Variants in ZNF181 observed in about 807,000 individuals in gnomAD.
ZNF181 encodes zinc finger protein 181 (HHZ181).
ZNF181 carries 8 observed loss-of-function variants against 11.9 expected under a neutral mutation model. The observed-to-expected ratio is 0.67, with a 90% CI of 0.39 to 1.21. The LOEUF (loss-of-function observed/expected upper bound fraction) is 1.21, where lower values mean the gene tolerates loss of function less well. Ranked by LOEUF, ZNF181 falls within the 50% of genes most tolerant of loss-of-function variation. The probability of loss-of-function intolerance (pLI) is 0.01; values close to 1 mark genes in which losing one functional copy is unlikely to be tolerated. For synonymous variants in ZNF181, 202 were observed against 221.1 expected (o/e 0.91, Z 0.77); for missense variants, 542 against 670.9 (o/e 0.81, Z 2.12).
At chr19:34,736,240 GT>G in intron 1 of ZNF181, 1 of 690,158 alleles carries the variant, frequency 1.4e-6, no homozygotes, top group Non-Finnish European at 2.6e-6. Flanking sequence ...GGTGAAGTCT[GT>G]TTTCTTGGAG....
Position 34,741,167 on chromosome 19 carries a change from G to C in ZNF181, c.786G>C (p.Glu262Asp). Residue 262 changes from glutamate (E) to aspartate (D), a missense_variant, in exon 4 of 4, where the codon GAG (glutamate) becomes GAC (aspartate). Transcript: ENST00000492450. ...LNRHWRIHTG[E>D]KPYECRECGK... ...GCCACTGGAGAATTCATACAGGAGA[G>C]AAGCCCTATGAATGTCGTGAATGTG... 6.2e-7 allele frequency: 1 copy of C among 1,614,090 alleles called. No individual in the cohort carries two copies. Among genetic ancestry groups the C allele is most frequent in the Non-Finnish European group, 8.5e-7 (1 of 1,179,964 alleles).
intron 3 of ZNF181, 44 bp downstream of exon 3, chr19:34,739,665 G>A: frequency 5.0e-6 from 8 of 1,604,228 alleles, no homozygotes; most frequent in Non-Finnish European, 6.8e-6. Context: ...TGTTAAAAAG[G>A]GTCCCAAACT....
intron 3 of ZNF181, among the ~76,000 whole-genome samples, chr19:34,740,186 A>T (rs2068948336): frequency 6.6e-6 from 1 of 152,226 alleles, no homozygotes; most frequent in Non-Finnish European, 1.5e-5. Flanking sequence ...GTTTAATAAC[A>T]TCAATTCTGT....
rs746799329 is a variant in ZNF181 at position 34,741,462 on chromosome 19, A to C, written c.1081A>C (p.Arg361=). 3.7e-6 allele frequency: 6 copies of C among 1,613,722 alleles called. No homozygotes were observed. Among genetic ancestry groups the C allele is most frequent in the Non-Finnish European group, 5.1e-6 (6 of 1,179,864 alleles). The change falls in exon 4 of 4, where the codon AGG becomes CGG. Residue 361 remains arginine (R), a synonymous_variant. Coordinates refer to ENST00000492450, the MANE Select transcript of ZNF181 (RefSeq NM_001029997.4). The part of the protein sequence containing the change: ...CRICGKAFIH[R]SSLIHHQKIH... ...TATATGTGGAAAGGCCTTCATTCAT[A>C]GGTCATCTCTCATTCACCATCAGAA...
chr19:34,734,893 A>G lies in ZNF181; in HGVS notation c.-145A>G. On this transcript the variant is annotated 5_prime_UTR_variant, in exon 1 of 4. Transcript: ENST00000492450. ...AGAGTGATTACCAGTGTGCCTTTCCATTATGGTGTGTCACAGGTGCCGCAA... is the reference window on the plus strand; with the variant it reads ...AGAGTGATTACCAGTGTGCCTTTCCGTTATGGTGTGTCACAGGTGCCGCAA... The G allele has an allele frequency of 1.3e-6, 1 of 760,974 alleles. No homozygotes were observed. Among genetic ancestry groups the G allele is most frequent in the East Asian group, 2.7e-5 (1 of 36,606 alleles). The allele number at this position is 760,974 out of a possible 1,614,324, so 47.1% of individuals were successfully genotyped here.
chr19:34,737,495 A>G (rs2068904848), intron 1 of ZNF181, among the ~76,000 whole-genome samples: 1 of 152,262 alleles, frequency 6.6e-6, no homozygotes, highest in Non-Finnish European at 1.5e-5. Context: ...CCAATAAACT[A>G]TTATTGAATA....
intron 1 of ZNF181, among the ~76,000 whole-genome samples, chr19:34,737,983 T>A (rs1425256427): frequency 6.6e-6 from 1 of 152,224 alleles, no homozygotes; most frequent in African/African-American, 2.4e-5. Flanking sequence ...CCAGTGGTTA[T>A]GTACCCCTAA....
At chr19:34,736,210 A>C (rs1187838787) in intron 1 of ZNF181, 1 of 701,298 alleles carries the variant, frequency 1.4e-6, no homozygotes, top group East Asian at 2.7e-5. Context: ...AGGGGATGTG[A>C]GTAGCAGATG....
chr19:34,740,097 A>G (rs1199676676), intron 3 of ZNF181, among the ~76,000 whole-genome samples: 1 of 152,226 alleles, frequency 6.6e-6, no homozygotes, highest in Non-Finnish European at 1.5e-5. Context: ...TGATTCACAC[A>G]GTTTCTTCAT....
intron 3 of ZNF181, 23 bp downstream of exon 3, chr19:34,739,644 A>C (rs747085545): frequency 6.2e-7 from 1 of 1,613,526 alleles, no homozygotes; most frequent in South Asian, 1.1e-5. Flanking sequence ...GAACGAGACA[A>C]AGGAAGATTT....
At chr19:34,737,376 C>T (rs937527411) in intron 1 of ZNF181, among the ~76,000 whole-genome samples, 1 of 152,170 alleles carries the variant, frequency 6.6e-6, no homozygotes, top group African/African-American at 2.4e-5. Context: ...TGAATTAACT[C>T]TCAGAGCTAA....
At position 34,738,076 on chromosome 19, in the gene ZNF181, T is replaced by C. The variant is rs958715797; in HGVS notation, c.10-1072T>C. On this transcript the variant is annotated intron_variant, in intron 1 of 3. Transcript: ENST00000492450. ...ACCCAGGGGTCTCATATTTTAATAATTGTCTATCAGTACAAAGTTTAAGTA... is the reference window on the plus strand; with the variant it reads ...ACCCAGGGGTCTCATATTTTAATAACTGTCTATCAGTACAAAGTTTAAGTA... Among the ~76,000 whole-genome samples, 4 of 152,234 alleles carry C rather than the reference T, an allele frequency of 2.6e-5. No individual in the cohort carries two copies. In the East Asian group the frequency reaches 5.8e-4, roughly 22 times the overall value.
rs2068865000 is a variant in ZNF181 at position 34,734,924 on chromosome 19, G to A, written c.-114G>A. 7.1e-6 allele frequency: 8 copies of A among 1,128,106 alleles called. No homozygotes were observed. The highest frequency in any genetic ancestry group is 2.3e-5 in the Admixed American group (1 of 42,838). 69.9% of individuals were successfully genotyped at this position (1,128,106 alleles called of 1,614,324 possible). A position where few individuals can be genotyped will look rare whatever the true frequency, so the allele number is the denominator to read the frequency against. ...GTGTGTCACAGGTGCCGCAAGATAA[G>A]CCTGATTTTTCATGACTGCTTTTTC... On this transcript the variant is annotated 5_prime_UTR_variant, in exon 1 of 4. Transcript: ENST00000492450.
At chr19:34,736,517 G>T (rs768434982) in intron 1 of ZNF181, among the ~76,000 whole-genome samples, 3 of 152,132 alleles carry the variant, frequency 2.0e-5, no homozygotes, top group Non-Finnish European at 2.9e-5. Context: ...GGATTTTGGT[G>T]TACACTGACA....
chr19:34,742,220 A>T lies in ZNF181; in HGVS notation c.*123A>T. On this transcript the variant is annotated 3_prime_UTR_variant, in exon 4 of 4. Transcript: ENST00000492450. The stretch of plus-strand genomic sequence containing the variant: ...AGACCTTTTAGCAAAGATGCAGGCC[A>T]GTTTGTTTATTAGACTTTATACTGT... 1.0e-6 allele frequency: 1 copy of T among 983,868 alleles called. No homozygotes were observed. The highest frequency in any genetic ancestry group is 1.9e-5 in the South Asian group (1 of 52,110). 60.9% of individuals were successfully genotyped at this position (983,868 alleles called of 1,614,324 possible).
Position 34,744,483 on chromosome 19 carries a change from A to G in ZNF181, c.*2386A>G, listed in dbSNP as rs1363905265. 2 of 152,054 alleles carry G rather than the reference A, an allele frequency of 1.3e-5. No individual in the cohort carries two copies. Among genetic ancestry groups the G allele is most frequent in the African/African-American group, 4.8e-5 (2 of 41,376 alleles). 9.4% of individuals were successfully genotyped at this position (152,054 alleles called of 1,614,324 possible). On this transcript the variant is annotated 3_prime_UTR_variant, in exon 4 of 4. Coordinates refer to ENST00000492450, the MANE Select transcript of ZNF181 (RefSeq NM_001029997.4). ...TGAGACCAGCCTGGGCAATATAGCA[A>G]AACTCATTAGTCTGTTAAAAAAAAA...
Position 34,743,447 on chromosome 19 carries a change from A to G in ZNF181, c.*1350A>G, listed in dbSNP as rs2069008060. On this transcript the variant is annotated 3_prime_UTR_variant, in exon 4 of 4. Transcript: ENST00000492450. Reference sequence around the variant, plus strand: ...GGCTTAGCGAGATGTGATTTTTGAAATGAATCCTAAATGATGAACACTAAT... The same window carrying G: ...GGCTTAGCGAGATGTGATTTTTGAAGTGAATCCTAAATGATGAACACTAAT... The G allele has an allele frequency of 6.6e-6, 1 of 152,234 alleles. No homozygotes were observed. Among genetic ancestry groups the G allele is most frequent in the Admixed American group, 6.5e-5 (1 of 15,286 alleles). 9.4% of individuals were successfully genotyped at this position (152,234 alleles called of 1,614,324 possible). A position where few individuals can be genotyped will look rare whatever the true frequency, so the allele number is the denominator to read the frequency against.
In ZNF181 at chr19:34,741,008, T is replaced by C; in HGVS notation, c.627T>C (p.Leu209=). The change falls in exon 4 of 4, where the codon CTT becomes CTC. Residue 209 remains leucine (L), a synonymous_variant. Transcript: ENST00000492450. ...KNEKVNGGKK[L]LNSNKSGAAF... Reference sequence around the variant, plus strand: ...AGAAAGTCAATGGTGGAAAGAAACTTTTGAATTCTAATAAAAGTGGGGCAG... The same window carrying C: ...AGAAAGTCAATGGTGGAAAGAAACTCTTGAATTCTAATAAAAGTGGGGCAG... The C allele has an allele frequency of 6.2e-7, 1 of 1,614,134 alleles. No individual in the cohort carries two copies. Among genetic ancestry groups the C allele is most frequent in the Non-Finnish European group, 8.5e-7 (1 of 1,179,984 alleles).
chr19:34,739,033 G>A, intron 1 of ZNF181, 115 bp from the exon 2 acceptor site: 1 of 1,478,880 alleles, frequency 6.8e-7, no homozygotes, highest in South Asian at 1.3e-5. Flanking sequence ...CCCAATCATT[G>A]CCACAACTCC....
Sources: gnomAD v4.1 joint callset for allele counts (sites outside exome capture counted in the v4.1 genomes callset) on GRCh38, gnomAD v4.1.1 for gene constraint, MANE v1.5 for transcripts, NCBI Gene and HGNC (gene_info 2026-07-23, HGNC 2026-07-21) for gene names.